APOL4: variants seen among roughly 807,000 people sequenced by gnomAD.
The protein encoded by APOL4 is apolipoprotein L4.
Under a neutral mutation model 12.1 loss-of-function variants are expected in APOL4, and 14 were observed. The observed-to-expected ratio is 1.16, with a 90% confidence interval of 0.76 to 1.81. The LOEUF (loss-of-function observed/expected upper bound fraction) is 1.81, where lower values mean the gene tolerates loss of function less well. APOL4 is among the 40% of genes most tolerant of loss of function. The probability of loss-of-function intolerance (pLI) is 0.00; values close to 1 mark genes in which losing one functional copy is unlikely to be tolerated. For synonymous variants in APOL4, 171 were observed against 160.6 expected, an observed-to-expected ratio of 1.06 and a Z score of -0.49; for missense variants, 432 against 423.1, an observed-to-expected ratio of 1.02 and a Z score of -0.18.
chr22:36,200,030 A>C (rs558360238), intron 1 of APOL4, among the ~76,000 whole-genome samples: 1 of 151,778 alleles, frequency 6.6e-6, no homozygotes, highest in Non-Finnish European at 1.5e-5. Flanking sequence ...GATGGTCTCG[A>C]TCTCCTGACC....
intron 1 of APOL4, chr22:36,199,718 T>C: frequency 1.4e-6 from 2 of 1,423,266 alleles, no homozygotes; most frequent in Non-Finnish European, 1.9e-6. Flanking sequence ...GTTCTAACAA[T>C]GACCGGAAAC....
chr22:36,204,671 T>A, upstream of APOL4: 1 of 781,188 alleles, frequency 1.3e-6, no homozygotes, highest in Non-Finnish European at 1.9e-6. Context: ...ATCCAGCTGG[T>A]CTGAGCTGTG....
chr22:36,202,319 C>T (rs1177323832), upstream of APOL4, among the ~76,000 whole-genome samples: 1 of 152,174 alleles, frequency 6.6e-6, no homozygotes, highest in African/African-American at 2.4e-5. Flanking sequence ...CTGTGTTTCT[C>T]AGGCTGTCTT....
rs73421543 is a variant in APOL4, at chr22:36,193,192, C to T, written c.210-1280G>A. On this transcript the variant is annotated intron_variant, in intron 3 of 3. Coordinates refer to ENST00000683024, the MANE Select transcript of APOL4 (RefSeq NM_001386885.1). ...TTAGGCCAGTTTAGCAGGAACCCCCCACTCTGGTGTCTCCTGTCAGTCCTG... is the reference window on the plus strand; with the variant it reads ...TTAGGCCAGTTTAGCAGGAACCCCCTACTCTGGTGTCTCCTGTCAGTCCTG... 6.1e-3 allele frequency among the ~76,000 whole-genome samples: 931 copies of T among 152,282 alleles called. 7 individuals are homozygous for T. Among genetic ancestry groups the T allele is most frequent in the African/African-American group, 0.02 (848 of 41,550 alleles).
upstream of APOL4, among the ~76,000 whole-genome samples, chr22:36,202,639 T>G (rs1032786324): frequency 1.5e-4 from 22 of 151,042 alleles, no homozygotes; most frequent in Admixed American, 2.6e-4. Context: ...GGCAGGAGAA[T>G]GGTGTGAACC....
intron 2 of APOL4, among the ~76,000 whole-genome samples, chr22:36,197,128 G>T (rs34826090): frequency 1.3e-5 from 2 of 152,016 alleles, no homozygotes; most frequent in Non-Finnish European, 2.9e-5. Flanking sequence ...TCTTGTTTCA[G>T]AGGGAGAGCT....
At chr22:36,195,724 GAA>G (rs926326634) in intron 2 of APOL4, among the ~76,000 whole-genome samples, 3 of 136,486 alleles carry the variant, frequency 2.2e-5, no homozygotes, top group African/African-American at 8.0e-5. Context: ...CCAATTAAAA[GAA>G]AAAAAAGAGA....
At position 36,195,390 on chromosome 22, in the gene APOL4, C is replaced by A; in HGVS notation, c.130G>T (p.Val44Phe). ...AGGATTTTCAGATGCACTGGGCTAA[C>A]TTTCTTCTGGAAGTATTCAATGACT... is the stretch of plus-strand genomic sequence containing the variant. ...EEVIEYFQKK[V>F]SPVHLKILLT... Residue 44 changes from valine to phenylalanine, a missense_variant, in exon 3 of 4, where the codon GTT becomes TTT. By Grantham distance (50) the Val-to-Phe change is conservative. Coordinates refer to ENST00000683024, the MANE Select transcript of APOL4 (RefSeq NM_001386885.1). The A allele has an allele frequency of 6.2e-7, 1 of 1,613,742 alleles. No homozygotes were observed. Among genetic ancestry groups the A allele is most frequent in the Non-Finnish European group, 8.5e-7 (1 of 1,179,802 alleles).
rs1247859061 is a variant in APOL4 at position 36,190,671 on chromosome 22, G to A, written c.*404C>T. The stretch of plus-strand genomic sequence containing the variant: ...GGCTCACTGTTGGTCAGAGTTTAAG[G>A]TTATCTCTCTTATTCCCTGAACAAT... On this transcript the variant is annotated 3_prime_UTR_variant, in exon 4 of 4. Coordinates refer to ENST00000683024, the MANE Select transcript of APOL4 (RefSeq NM_001386885.1). 1 of 173,816 alleles carries A rather than the reference G, an allele frequency of 5.8e-6. No homozygotes were observed. Among genetic ancestry groups the A allele is most frequent in the Non-Finnish European group, 1.3e-5 (1 of 79,838 alleles). The allele number at this position is 173,816 out of a possible 1,614,324, so 10.8% of individuals were successfully genotyped here.
chr22:36,195,416 T>C lies in APOL4; in HGVS notation c.104A>G (p.Glu35Gly). 6.2e-7 allele frequency: 1 copy of C among 1,613,472 alleles called. No homozygotes were observed. The change falls in exon 3 of 4, where the codon GAA becomes GGA. Residue 35 changes from glutamate to glycine, a missense_variant. By Grantham distance (98) the Glu-to-Gly change is moderately conservative. Coordinates refer to ENST00000683024, the MANE Select transcript of APOL4 (RefSeq NM_001386885.1). ...QFQEKKRFTEEVIEYFQKKVS... is the reference protein window; with the variant it reads ...QFQEKKRFTEGVIEYFQKKVS... ...TTTCTTCTGGAAGTATTCAATGACT[T>C]CTTCAGTGAAGCGTTTCTTTTCTAG...
At chr22:36,199,933 G>A (rs566964051) in intron 1 of APOL4, among the ~76,000 whole-genome samples, 6 of 152,220 alleles carry the variant, frequency 3.9e-5, no homozygotes, top group Admixed American at 2.0e-4. Context: ...TCAGCCTCTC[G>A]AGTAGCTGGG....
chr22:36,197,845 A>G, intron 2 of APOL4: 1 of 1,544,580 alleles, frequency 6.5e-7, no homozygotes, highest in Non-Finnish European at 8.7e-7. Flanking sequence ...ACAAACAGGA[A>G]GTGGCCAATC....
chr22:36,195,188 G>T, intron 3 of APOL4, 123 bp downstream of exon 3: 1 of 1,271,744 alleles, frequency 7.9e-7, no homozygotes, highest in Non-Finnish European at 1.1e-6. Flanking sequence ...TGCTGAGAGG[G>T]ACATCCTCAA....
rs2014238565 is a variant in APOL4 at position 36,191,282 on chromosome 22, C to G, written c.840G>C (p.Arg280=). Residue 280 remains arginine, a synonymous_variant, in exon 4 of 4, where the codon CGG becomes CGC. Coordinates refer to ENST00000683024, the MANE Select transcript of APOL4 (RefSeq NM_001386885.1). Reference sequence around the variant, plus strand: ...GGTTCCGGGCTACTTTTCTCACTATCCGGGTGGGGGCCCCACGTGTTCTCA... The same window carrying G: ...GGTTCCGGGCTACTTTTCTCACTATGCGGGTGGGGGCCCCACGTGTTCTCA... ...ETLRTRGAPT[R]IVRKVARNLG... is the part of the protein sequence containing the mutation. 2.5e-6 allele frequency: 4 copies of G among 1,614,048 alleles called. No homozygotes were observed. Among genetic ancestry groups the G allele is most frequent in the Non-Finnish European group, 3.4e-6 (4 of 1,179,900 alleles).
At chr22:36,200,616 C>A (rs59509279) in intron 1 of APOL4, among the ~76,000 whole-genome samples, 1,896 of 152,334 alleles carry the variant, frequency 0.012, 42 homozygotes, top group African/African-American at 0.043. Flanking sequence ...CCCTCCTTCA[C>A]GTAAAACTGC....
chr22:36,203,111 G>A (rs540535747), upstream of APOL4, among the ~76,000 whole-genome samples: 11 of 152,268 alleles, frequency 7.2e-5, no homozygotes, highest in East Asian at 5.8e-4. Flanking sequence ...TCTGCAATGC[G>A]ACCTTCTCAC....
upstream of APOL4, among the ~76,000 whole-genome samples, chr22:36,202,787 AT>A (rs200761069): frequency 7.8e-3 from 1,184 of 152,258 alleles, 11 homozygotes; most frequent in Admixed American, 0.015. Flanking sequence ...TTTCACAGAA[AT>A]TACCCCCCTG....
chr22:36,190,797 G>C lies in APOL4; in HGVS notation c.*278C>G, dbSNP rs2014220839. ...GTTAACGCAATTATCACATGGTCCT[G>C]AGGTGACATACATCCTCCTCAGCTG... On this transcript the variant is annotated 3_prime_UTR_variant, in exon 4 of 4. Transcript: ENST00000683024. 1 of 413,024 alleles carries C rather than the reference G, an allele frequency of 2.4e-6. No individual in the cohort carries two copies. The highest frequency in any genetic ancestry group is 4.4e-6 in the Non-Finnish European group (1 of 224,950). 25.6% of individuals were successfully genotyped at this position (413,024 alleles called of 1,614,324 possible).
chr22:36,200,101 C>G (rs1031920118), intron 1 of APOL4, among the ~76,000 whole-genome samples: 1 of 149,426 alleles, frequency 6.7e-6, no homozygotes, highest in Admixed American at 6.6e-5. Context: ...GCGGTCGCGC[C>G]GGGCCTGTGA....
Sources: allele counts gnomAD v4.1 joint callset (sites outside exome capture counted in the v4.1 genomes callset), GRCh38; gene constraint gnomAD v4.1.1; transcripts MANE v1.5; gene names NCBI Gene and HGNC (gene_info 2026-07-23, HGNC 2026-07-21).